The following TAFA4 variants were observed in gnomAD, a reference collection of about 807,000 sequenced individuals.
TAFA4 encodes chemokine-like protein TAFA-4.
In TAFA4, 20 loss-of-function variants were observed where a neutral mutation model predicts 21.1. That is an observed-to-expected ratio of 0.95 (90% CI 0.67 to 1.38). TAFA4 has a LOEUF of 1.38. Ranked by LOEUF, TAFA4 falls within the 40% of genes most tolerant of loss-of-function variation. The pLI, the probability that TAFA4 is intolerant of heterozygous loss-of-function variation, is 0.00. For synonymous variants in TAFA4, 71 were observed against 67.4 expected, an observed-to-expected ratio of 1.05 and a Z score of -0.26; for missense variants, 211 against 180.9, an observed-to-expected ratio of 1.17 and a Z score of -0.95.
intron 1 of TAFA4, among the ~76,000 whole-genome samples, chr3:68,906,580 G>A (rs977313933): frequency 6.6e-6 from 1 of 152,072 alleles, no homozygotes; most frequent in African/African-American, 2.4e-5. Flanking sequence ...AACCTGTGAG[G>A]GTCTGGCTCC....
chr3:68,770,099 A>T (rs1702925301), intron 3 of TAFA4, among the ~76,000 whole-genome samples: 1 of 152,202 alleles, frequency 6.6e-6, no homozygotes, highest in East Asian at 1.9e-4. Context: ...TGAAAAAAAA[A>T]TATATCTAAA....
intron 2 of TAFA4, among the ~76,000 whole-genome samples, chr3:68,883,651 A>G (rs536305817): frequency 4.6e-5 from 7 of 152,256 alleles, no homozygotes; most frequent in Non-Finnish European, 8.8e-5. Flanking sequence ...TGATAAAACC[A>G]TAAATTGATC....
At chr3:68,857,391 G>A (rs1705094151) in intron 3 of TAFA4, among the ~76,000 whole-genome samples, 1 of 152,028 alleles carries the variant, frequency 6.6e-6, no homozygotes, top group Admixed American at 6.6e-5. Flanking sequence ...TACCCTAGAG[G>A]ATGGAGATAA....
chr3:68,809,663 GT>G (rs1032258656), intron 3 of TAFA4, among the ~76,000 whole-genome samples: 38 of 151,478 alleles, frequency 2.5e-4, no homozygotes, highest in Admixed American at 6.6e-4. Context: ...GCTTTTCCCC[GT>G]TTTTTCTTCT....
At chr3:68,737,741 A>G (rs1051436934) in intron 5 of TAFA4, among the ~76,000 whole-genome samples, 2 of 152,220 alleles carry the variant, frequency 1.3e-5, no homozygotes, top group Non-Finnish European at 2.9e-5. Flanking sequence ...TCCATGGCTG[A>G]AGATGAATTA....
chr3:68,897,951 C>A (rs2106977775), intron 1 of TAFA4, among the ~76,000 whole-genome samples: 1 of 152,310 alleles, frequency 6.6e-6, no homozygotes, highest in South Asian at 2.1e-4. Flanking sequence ...CATTGGGATT[C>A]ATTGACTGAT....
At chr3:68,911,070 C>T (rs1575669558) in intron 1 of TAFA4, among the ~76,000 whole-genome samples, 1 of 152,314 alleles carries the variant, frequency 6.6e-6, no homozygotes, top group Non-Finnish European at 1.5e-5. Context: ...ATTTACATTT[C>T]AATAACTGTA....
At chr3:68,864,456 G>A (rs138862726) in intron 3 of TAFA4, among the ~76,000 whole-genome samples, 2 of 152,200 alleles carry the variant, frequency 1.3e-5, no homozygotes, top group Admixed American at 6.6e-5. Flanking sequence ...CTTAGTGCTG[G>A]CAAGAATATG....
At chr3:68,838,316 A>T (rs1259740220) in intron 3 of TAFA4, among the ~76,000 whole-genome samples, 1 of 152,196 alleles carries the variant, frequency 6.6e-6, no homozygotes, top group Non-Finnish European at 1.5e-5. Context: ...TACCAAAAAT[A>T]CTTTACCACA....
At chr3:68,883,410 G>A (rs942229580) in intron 2 of TAFA4, among the ~76,000 whole-genome samples, 7 of 152,140 alleles carry the variant, frequency 4.6e-5, no homozygotes, top group Admixed American at 1.3e-4. Flanking sequence ...GCCCCACCCA[G>A]GATAGTCTCT....
intron 3 of TAFA4, among the ~76,000 whole-genome samples, chr3:68,853,693 T>C (rs1027732904): frequency 6.6e-5 from 10 of 152,152 alleles, no homozygotes; most frequent in Admixed American, 6.6e-4. Context: ...TATTTACTGA[T>C]TGTCTGCTAG....
chr3:68,851,845 T>C (rs1403097145), intron 3 of TAFA4, among the ~76,000 whole-genome samples: 1 of 152,078 alleles, frequency 6.6e-6, no homozygotes, highest in East Asian at 1.9e-4. Flanking sequence ...GCACCAGCAA[T>C]GTAGGGAAAC....
chr3:68,885,775 C>A (rs1394413335), intron 1 of TAFA4, among the ~76,000 whole-genome samples: 1 of 152,142 alleles, frequency 6.6e-6, no homozygotes, highest in East Asian at 1.9e-4. Context: ...TGATGCTAGA[C>A]AATCTATGAG....
chr3:68,916,726 G>C (rs749636652), intron 1 of TAFA4, among the ~76,000 whole-genome samples: 2 of 152,224 alleles, frequency 1.3e-5, no homozygotes, highest in Non-Finnish European at 2.9e-5. Flanking sequence ...GGCAGCTTCT[G>C]TCTTTCTGTT....
At chr3:68,917,344 G>T (rs2090012728) in intron 1 of TAFA4, among the ~76,000 whole-genome samples, 1 of 152,090 alleles carries the variant, frequency 6.6e-6, no homozygotes. Context: ...AGACTGTGGT[G>T]GTTCTACAGT....
At chr3:68,855,606 G>T (rs1333060689) in intron 3 of TAFA4, among the ~76,000 whole-genome samples, 1 of 152,002 alleles carries the variant, frequency 6.6e-6, no homozygotes, top group Non-Finnish European at 1.5e-5. Context: ...TGATAAGTAG[G>T]GGGGAAAAAA....
chr3:68,878,834 T>C (rs2089583524), intron 3 of TAFA4, among the ~76,000 whole-genome samples: 1 of 152,180 alleles, frequency 6.6e-6, no homozygotes, highest in African/African-American at 2.4e-5. Flanking sequence ...AGAAAGAGTC[T>C]CACCACCCAA....
chr3:68,791,003 G>A (rs1445340708), intron 3 of TAFA4, among the ~76,000 whole-genome samples: 1 of 152,144 alleles, frequency 6.6e-6, no homozygotes, highest in Non-Finnish European at 1.5e-5. Flanking sequence ...AAGAAACATG[G>A]TAAAGAACTA....
At chr3:68,919,060 C>G (rs1431381103) in intron 1 of TAFA4, among the ~76,000 whole-genome samples, 3 of 152,184 alleles carry the variant, frequency 2.0e-5, no homozygotes, top group African/African-American at 7.2e-5. Flanking sequence ...ATTCTGTCAC[C>G]TTCCCTGCAG....
Sources: allele counts gnomAD v4.1 joint callset (sites outside exome capture counted in the v4.1 genomes callset), GRCh38; gene constraint gnomAD v4.1.1; transcripts MANE v1.5; gene names NCBI Gene and HGNC (gene_info 2026-07-23, HGNC 2026-07-21).